The following CPQ variants were observed in gnomAD, a reference collection of about 807,000 sequenced individuals.
The protein encoded by CPQ is carboxypeptidase Q.
Under a neutral mutation model 45.7 loss-of-function variants are expected in CPQ, and 37 were observed. That is an observed-to-expected ratio of 0.81 (90% CI 0.62 to 1.07). The LOEUF (loss-of-function observed/expected upper bound fraction) is 1.07. CPQ is among the 50% of genes least tolerant of loss of function. CPQ has a pLI of 0.00. For synonymous variants in CPQ, 186 were observed against 205.8 expected, an observed-to-expected ratio of 0.90 and a Z score of 0.82; for missense variants, 537 against 572.9, an observed-to-expected ratio of 0.94 and a Z score of 0.64.
intron 5 of CPQ, among the ~76,000 whole-genome samples, chr8:96,996,102 C>T (rs964425453): frequency 2.6e-5 from 4 of 151,960 alleles, no homozygotes; most frequent in African/African-American, 9.7e-5. Context: ...AAGTGTCAAG[C>T]ACAAATCAAG....
chr8:97,086,392 T>C (rs1288046666), intron 7 of CPQ, among the ~76,000 whole-genome samples: 1 of 152,200 alleles, frequency 6.6e-6, no homozygotes, highest in Non-Finnish European at 1.5e-5. Context: ...TGGGTATTGC[T>C]GTTTCTGTTT....
chr8:96,841,665 C>T (rs114862107), intron 3 of CPQ, among the ~76,000 whole-genome samples: 3 of 152,298 alleles, frequency 2.0e-5, no homozygotes, highest in Admixed American at 6.5e-5. Context: ...TTTGGAAATA[C>T]TACTGGCTGA....
At chr8:96,922,814 C>A (rs1388394036) in intron 4 of CPQ, among the ~76,000 whole-genome samples, 2 of 152,154 alleles carry the variant, frequency 1.3e-5, no homozygotes, top group Admixed American at 6.5e-5. Flanking sequence ...AATACATACA[C>A]AGGTTATAAT....
intron 1 of CPQ, among the ~76,000 whole-genome samples, chr8:96,674,310 G>A (rs552786355): frequency 6.6e-6 from 1 of 152,248 alleles, no homozygotes; most frequent in South Asian, 2.1e-4. Context: ...AAACACTTTT[G>A]TGGGTTTATT....
chr8:97,142,648 T>G (rs541000954), intron 7 of CPQ, among the ~76,000 whole-genome samples: 1 of 152,360 alleles, frequency 6.6e-6, no homozygotes, highest in African/African-American at 2.4e-5. Flanking sequence ...AGTGCAGAGC[T>G]TGTTGAGAGA....
chr8:97,121,572 A>G (rs949462434), intron 7 of CPQ, among the ~76,000 whole-genome samples: 4 of 152,176 alleles, frequency 2.6e-5, no homozygotes, highest in African/African-American at 9.7e-5. Context: ...AAAAAAGACA[A>G]TCTAGACAGA....
At chr8:96,723,565 T>C (rs1809795196) in intron 1 of CPQ, among the ~76,000 whole-genome samples, 1 of 152,136 alleles carries the variant, frequency 6.6e-6, no homozygotes, top group African/African-American at 2.4e-5. Context: ...CAATCTCTCT[T>C]TTATTACCCC....
At chr8:96,645,981 G>T (rs1399605564) in intron 1 of CPQ, among the ~76,000 whole-genome samples, 4 of 150,016 alleles carry the variant, frequency 2.7e-5, no homozygotes, top group African/African-American at 9.9e-5. Context: ...TACCTATGCC[G>T]TAGAACTGAG....
chr8:96,929,245 A>G (rs1414096090), intron 4 of CPQ, among the ~76,000 whole-genome samples: 1 of 152,216 alleles, frequency 6.6e-6, no homozygotes, highest in Non-Finnish European at 1.5e-5. Flanking sequence ...AATAGAATGT[A>G]TAACATTCCA....
chr8:96,921,483 C>T (rs986957430), intron 4 of CPQ, among the ~76,000 whole-genome samples: 1 of 152,172 alleles, frequency 6.6e-6, no homozygotes, highest in Non-Finnish European at 1.5e-5. Context: ...TTTTATGCCA[C>T]TCCATGTGGT....
intron 2 of CPQ, among the ~76,000 whole-genome samples, chr8:96,802,699 G>C (rs567674135): frequency 1.1e-3 from 169 of 152,270 alleles, no homozygotes; most frequent in Non-Finnish European, 1.3e-3. Flanking sequence ...ATTGGTAAAT[G>C]CATTGGATGT....
intron 2 of CPQ, among the ~76,000 whole-genome samples, chr8:96,785,947 A>G (rs1369607089): frequency 2.0e-5 from 3 of 152,174 alleles, no homozygotes; most frequent in African/African-American, 7.2e-5. Context: ...CAGAAGAACG[A>G]GTTTCTATTC....
chr8:97,044,953 G>A (rs553978151), intron 6 of CPQ, among the ~76,000 whole-genome samples: 1 of 152,212 alleles, frequency 6.6e-6, no homozygotes, highest in African/African-American at 2.4e-5. Flanking sequence ...CCCACTTGAG[G>A]AGGCAGTCTG....
intron 1 of CPQ, among the ~76,000 whole-genome samples, chr8:96,697,566 A>G (rs1286389773): frequency 6.6e-6 from 1 of 152,168 alleles, no homozygotes; most frequent in African/African-American, 2.4e-5. Flanking sequence ...GAAGAAGTCA[A>G]ATTATCTTTG....
intron 3 of CPQ, among the ~76,000 whole-genome samples, chr8:96,841,873 A>G (rs957046481): frequency 1.3e-5 from 2 of 152,198 alleles, no homozygotes; most frequent in Non-Finnish European, 2.9e-5. Flanking sequence ...GAGACATGAA[A>G]AAGTACATAA....
intron 4 of CPQ, among the ~76,000 whole-genome samples, chr8:96,908,806 T>G (rs1470360779): frequency 6.6e-6 from 1 of 151,004 alleles, no homozygotes; most frequent in Admixed American, 6.6e-5. Flanking sequence ...AGGTGTTTTA[T>G]TTTCCTTTTG....
In CPQ at chr8:97,109,531, C is replaced by T. The variant is rs183194533; in HGVS notation, c.1256-33489C>T. 1.6e-3 allele frequency among the ~76,000 whole-genome samples: 251 copies of T among 152,258 alleles called. 3 individuals are homozygous for T. Among genetic ancestry groups the T allele is most frequent in the Admixed American group, 0.013 (194 of 15,294 alleles). On this transcript the variant is annotated intron_variant, in intron 7 of 7. Transcript: ENST00000220763. ...CTGACCCAGAAGGTTCCCCTCCTTT[C>T]TAAGGGTGAGCCATCAAGGTCTACC...
intron 2 of CPQ, among the ~76,000 whole-genome samples, chr8:96,794,327 G>T (rs1459634803): frequency 1.3e-5 from 2 of 152,160 alleles, no homozygotes; most frequent in Non-Finnish European, 2.9e-5. Context: ...AAGGCGTGAG[G>T]CTTGTGCCCT....
chr8:96,719,447 G>A (rs934081921), intron 1 of CPQ, among the ~76,000 whole-genome samples: 5 of 152,164 alleles, frequency 3.3e-5, no homozygotes, highest in African/African-American at 2.4e-5. Flanking sequence ...ACGCAGTCCC[G>A]GTTGCCACTC....
Sources: gnomAD v4.1 joint callset for allele counts (sites outside exome capture counted in the v4.1 genomes callset) on GRCh38, gnomAD v4.1.1 for gene constraint, MANE v1.5 for transcripts, NCBI Gene and HGNC (gene_info 2026-07-23, HGNC 2026-07-21) for gene names.